The following HRCT1 variants were observed in gnomAD, a reference collection of about 807,000 sequenced individuals.
HRCT1 encodes the protein histidine rich carboxyl terminus 1.
For missense variants in HRCT1, 185 were observed against 161.3 expected, an observed-to-expected ratio of 1.15 and a Z score of -0.80; for synonymous variants, 76 against 69.0, an observed-to-expected ratio of 1.10 and a Z score of -0.50.
In HRCT1 at chr9:35,906,776, G is replaced by GT; in HGVS notation, c.*141_*142insT. ...GAACAATAGACTGGGGCTTGCTCCA[G>GT]CTGCATTTGCATGGCATGCCCCAGT... On this transcript the variant is annotated 3_prime_UTR_variant, in exon 1 of 1. Transcript: ENST00000354323. The GT allele has an allele frequency of 8.3e-7, 1 of 1,206,460 alleles. No homozygotes were observed. Among genetic ancestry groups the GT allele is most frequent in the Non-Finnish European group, 1.2e-6 (1 of 868,894 alleles). The allele number at this position is 1,206,460 out of a possible 1,614,324, so 74.7% of individuals were successfully genotyped here. A position where few individuals can be genotyped will look rare whatever the true frequency, so the allele number is the denominator to read the frequency against.
chr9:35,906,610 G>GCCACCA lies in HRCT1; in HGVS notation c.324_329dup (p.His109_His110dup). On this transcript the variant is annotated inframe_insertion, in exon 1 of 1. Transcript: ENST00000354323. The stretch of plus-strand genomic sequence containing the variant: ...CTCCACCACCACCACCACCCCCACC[G>GCCACCA]CCACCATCCCCGCCACGCTCGCTGA... 1 of 611,856 alleles carries GCCACCA rather than the reference G, an allele frequency of 1.6e-6. No homozygotes were observed. Among genetic ancestry groups the GCCACCA allele is most frequent in the South Asian group, 1.9e-5 (1 of 54,022 alleles). The allele number at this position is 611,856 out of a possible 1,614,324, so 37.9% of individuals were successfully genotyped here. A position where few individuals can be genotyped will look rare whatever the true frequency, so the allele number is the denominator to read the frequency against.
In HRCT1 at chr9:35,906,592, A is replaced by ACCACCACCCCCACCACCACCC; in HGVS notation, c.313_314insCCCACCACCACCCCCACCACC (p.His104_His105insProHisHisHisProHisHis). 7.8e-7 allele frequency: 1 copy of ACCACCACCCCCACCACCACCC among 1,278,044 alleles called. No homozygotes were observed. The highest frequency in any genetic ancestry group is 1.0e-6 in the Non-Finnish European group (1 of 973,284). 79.2% of individuals were successfully genotyped at this position (1,278,044 alleles called of 1,614,324 possible). A position where few individuals can be genotyped will look rare whatever the true frequency, so the allele number is the denominator to read the frequency against. ...CGCCACACCCCTCACCACCTCCACC[A>ACCACCACCCCCACCACCACCC]CCACCACCACCCCCACCGCCACCAT... is the stretch of plus-strand genomic sequence containing the variant. On this transcript the variant is annotated inframe_insertion, in exon 1 of 1. Transcript: ENST00000354323.
the HRCT1 span, chr9:35,906,604 C>CACCGCCA: frequency 8.7e-7 from 1 of 1,154,920 alleles, no homozygotes; most frequent in South Asian, 1.4e-5. Flanking sequence ...CACCACCACC[C>CACCGCCA]CCACCGCCAC....
In HRCT1 at chr9:35,906,598, A is replaced by ACCACCCCCGCCACCACCC. The variant is rs1833101571; in HGVS notation, c.319_320insGCCACCACCCCCACCCCC (p.Pro106_His107insArgHisHisProHisPro). ...ACCCCTCACCACCTCCACCACCACCACCACCCCCACCGCCACCATCCCCGC... is the reference window on the plus strand; with the variant it reads ...ACCCCTCACCACCTCCACCACCACCACCACCCCCGCCACCACCCCCACCCCCACCGCCACCATCCCCGC... On this transcript the variant is annotated inframe_insertion, in exon 1 of 1. Transcript: ENST00000354323. The ACCACCCCCGCCACCACCC allele has an allele frequency of 8.4e-7, 1 of 1,185,786 alleles. No homozygotes were observed. Among genetic ancestry groups the ACCACCCCCGCCACCACCC allele is most frequent in the Admixed American group, 2.7e-5 (1 of 37,714 alleles). 73.5% of individuals were successfully genotyped at this position (1,185,786 alleles called of 1,614,324 possible).
At position 35,906,959 on chromosome 9, in the gene HRCT1, G is replaced by A; in HGVS notation, c.*324G>A. 1 of 425,958 alleles carries A rather than the reference G, an allele frequency of 2.3e-6. No individual in the cohort carries two copies. Among genetic ancestry groups the A allele is most frequent in the Non-Finnish European group, 4.5e-6 (1 of 224,430 alleles). 26.4% of individuals were successfully genotyped at this position (425,958 alleles called of 1,614,324 possible). A position where few individuals can be genotyped will look rare whatever the true frequency, so the allele number is the denominator to read the frequency against. On this transcript the variant is annotated 3_prime_UTR_variant, in exon 1 of 1. Transcript: ENST00000354323. The stretch of plus-strand genomic sequence containing the variant: ...TGACAAGCGTGTCTTGGCAGAGCCA[G>A]CACACAAGTGGATGTGAAGTGCCCG...
chr9:35,906,595 A>ACCACCACCACCCCCACCACCCCCC lies in HRCT1; in HGVS notation c.316_317insACCCCCACCACCCCCCCCACCACC (p.His105_Pro106insHisProHisHisProProHisHis), dbSNP rs748727626. 8.4e-7 allele frequency: 1 copy of ACCACCACCACCCCCACCACCCCCC among 1,197,548 alleles called. No homozygotes were observed. Among genetic ancestry groups the ACCACCACCACCCCCACCACCCCCC allele is most frequent in the African/African-American group, 2.4e-5 (1 of 42,060 alleles). The allele number at this position is 1,197,548 out of a possible 1,614,324, so 74.2% of individuals were successfully genotyped here. A position where few individuals can be genotyped will look rare whatever the true frequency, so the allele number is the denominator to read the frequency against. ...CACACCCCTCACCACCTCCACCACC[A>ACCACCACCACCCCCACCACCCCCC]CCACCACCCCCACCGCCACCATCCC... is the stretch of plus-strand genomic sequence containing the variant. On this transcript the variant is annotated inframe_insertion, in exon 1 of 1. Coordinates refer to ENST00000354323, the MANE Select transcript of HRCT1 (RefSeq NM_001039792.2).
At position 35,906,783 on chromosome 9, in the gene HRCT1, T is replaced by TGCAAA; in HGVS notation, c.*148_*149insGCAAA. The TGCAAA allele has an allele frequency of 9.2e-7, 1 of 1,089,142 alleles. No individual in the cohort carries two copies. Among genetic ancestry groups the TGCAAA allele is most frequent in the Non-Finnish European group, 1.3e-6 (1 of 763,426 alleles). The allele number at this position is 1,089,142 out of a possible 1,614,324, so 67.5% of individuals were successfully genotyped here. A position where few individuals can be genotyped will look rare whatever the true frequency, so the allele number is the denominator to read the frequency against. Reference sequence around the variant, plus strand: ...AGACTGGGGCTTGCTCCAGCTGCATTTGCATGGCATGCCCCAGTGTACTAT... The same window carrying TGCAAA: ...AGACTGGGGCTTGCTCCAGCTGCATTGCAAATGCATGGCATGCCCCAGTGTACTAT... On this transcript the variant is annotated 3_prime_UTR_variant, in exon 1 of 1. Transcript: ENST00000354323.
chr9:35,906,586 T>TCCACCACCACCTCCACCACCTCCA lies in HRCT1; in HGVS notation c.310_311insTCCACCACCTCCACCACCACCACC (p.His103_His104insLeuHisHisLeuHisHisHisHis), dbSNP rs1554690885. On this transcript the variant is annotated inframe_insertion, in exon 1 of 1. Coordinates refer to ENST00000354323, the MANE Select transcript of HRCT1 (RefSeq NM_001039792.2). ...CACCCCCGCCACACCCCTCACCACC[T>TCCACCACCACCTCCACCACCTCCA]CCACCACCACCACCACCCCCACCGC... 6 of 1,189,890 alleles carry TCCACCACCACCTCCACCACCTCCA rather than the reference T, an allele frequency of 5.0e-6. No homozygotes were observed. Among genetic ancestry groups the TCCACCACCACCTCCACCACCTCCA allele is most frequent in the Non-Finnish European group, 6.8e-6 (6 of 887,776 alleles). The allele number at this position is 1,189,890 out of a possible 1,614,324, so 73.7% of individuals were successfully genotyped here.
Position 35,906,601 on chromosome 9 carries a change from A to ACCCCCACCGCCACCCTCCCCACCG in HRCT1, c.328_329insCTCCCCACCGCCCCCACCGCCACC (p.His109_His110insProProHisArgProHisArgHis), listed in dbSNP as rs1833102720. 9.3e-7 allele frequency: 1 copy of ACCCCCACCGCCACCCTCCCCACCG among 1,074,414 alleles called. No homozygotes were observed. Among genetic ancestry groups the ACCCCCACCGCCACCCTCCCCACCG allele is most frequent in the African/African-American group, 2.9e-5 (1 of 34,604 alleles). The allele number at this position is 1,074,414 out of a possible 1,614,324, so 66.6% of individuals were successfully genotyped here. ...CCTCACCACCTCCACCACCACCACCACCCCCACCGCCACCATCCCCGCCAC... is the reference window on the plus strand; with the variant it reads ...CCTCACCACCTCCACCACCACCACCACCCCCACCGCCACCCTCCCCACCGCCCCCACCGCCACCATCCCCGCCAC... On this transcript the variant is annotated inframe_insertion, in exon 1 of 1. Coordinates refer to ENST00000354323, the MANE Select transcript of HRCT1 (RefSeq NM_001039792.2).
rs948594881 is a variant in HRCT1, at chr9:35,906,427, C to T, written c.140C>T (p.Ala47Val). 2 of 1,613,064 alleles carry T rather than the reference C, an allele frequency of 1.2e-6. No individual in the cohort carries two copies. Among genetic ancestry groups the T allele is most frequent in the African/African-American group, 1.3e-5 (1 of 75,030 alleles). Residue 47 changes from alanine (A) to valine (V), a missense_variant, in exon 1 of 1, where the codon GCT becomes GTT. By Grantham distance (64) the Ala-to-Val change is moderately conservative. Coordinates refer to ENST00000354323, the MANE Select transcript of HRCT1 (RefSeq NM_001039792.2). ...QDCDVERNRT[A>V]AGGNRVRRAQ... ...TGTGACGTGGAGAGGAACCGTACAGCTGCAGGGGGAAACCGAGTCCGCCGG... is the reference window on the plus strand; with the variant it reads ...TGTGACGTGGAGAGGAACCGTACAGTTGCAGGGGGAAACCGAGTCCGCCGG...
At position 35,906,267 on chromosome 9, in the gene HRCT1, G is replaced by C. The variant is rs1304942094; in HGVS notation, c.-21G>C. On this transcript the variant is annotated 5_prime_UTR_variant, in exon 1 of 1. Coordinates refer to ENST00000354323, the MANE Select transcript of HRCT1 (RefSeq NM_001039792.2). ...AAGGAGTGAGGAGCTGCTGGGCAGA[G>C]AGGGACTGTCCGGCTCCCAGATGCT... 1 of 1,581,250 alleles carries C rather than the reference G, an allele frequency of 6.3e-7. No homozygotes were observed. The highest frequency in any genetic ancestry group is 8.6e-7 in the Non-Finnish European group (1 of 1,162,214).
rs575470525 is a variant in HRCT1 at position 35,907,085 on chromosome 9, G to A, written c.*450G>A. ...GGTTTGGAGAAGGCAGTGTGAGGCT[G>A]CACAGTCAATTCATCGGTGCCTTAG... is the stretch of plus-strand genomic sequence containing the variant. On this transcript the variant is annotated 3_prime_UTR_variant, in exon 1 of 1. Transcript: ENST00000354323. 38 of 206,582 alleles carry A rather than the reference G, an allele frequency of 1.8e-4. No individual in the cohort carries two copies. The highest frequency in any genetic ancestry group is 3.9e-4 in the Non-Finnish European group (36 of 93,130). The allele number at this position is 206,582 out of a possible 1,614,324, so 12.8% of individuals were successfully genotyped here.
chr9:35,906,375 A>G lies in HRCT1; in HGVS notation c.88A>G (p.Thr30Ala), dbSNP rs200269279. 348 of 1,612,010 alleles carry G rather than the reference A, an allele frequency of 2.2e-4. 1 individual carries two copies. Among genetic ancestry groups the G allele is most frequent in the Non-Finnish European group, 2.8e-4 (330 of 1,179,820 alleles). The stretch of plus-strand genomic sequence containing the variant: ...CCTGCTGCTGCTGCTGCTGCTGGCC[A>G]CCTGCCTTTTCCACGGACGGCAGGA... ...AVLLLLLLLA[T>A]CLFHGRQDCD... The change falls in exon 1 of 1, where the codon ACC (threonine) becomes GCC (alanine). Residue 30 changes from threonine to alanine, a missense_variant. Transcript: ENST00000354323.
In HRCT1 at chr9:35,906,578, T is replaced by TCAC. The variant is rs1554690872; in HGVS notation, c.296_298dup (p.His99dup). 1.3e-4 allele frequency: 171 copies of TCAC among 1,277,890 alleles called. 1 individual carries two copies. The highest frequency in any genetic ancestry group is 2.6e-4 in the African/African-American group (9 of 34,968). The allele number at this position is 1,277,890 out of a possible 1,614,324, so 79.2% of individuals were successfully genotyped here. A position where few individuals can be genotyped will look rare whatever the true frequency, so the allele number is the denominator to read the frequency against. ...ACCACCACCACCCCCGCCACACCCC[T>TCAC]CACCACCTCCACCACCACCACCACC... On this transcript the variant is annotated inframe_insertion, in exon 1 of 1. Transcript: ENST00000354323.
chr9:35,906,604 C>CCCGCCACACCCCTCACCACCTCCACCA lies in HRCT1; in HGVS notation c.319_320insGCCACACCCCTCACCACCTCCACCACC (p.Pro106_His107insArgHisThrProHisHisLeuHisHis). The CCCGCCACACCCCTCACCACCTCCACCA allele has an allele frequency of 4.3e-6, 5 of 1,154,912 alleles. No individual in the cohort carries two copies. Among genetic ancestry groups the CCCGCCACACCCCTCACCACCTCCACCA allele is most frequent in the African/African-American group, 5.9e-5 (2 of 33,934 alleles). The allele number at this position is 1,154,912 out of a possible 1,614,324, so 71.5% of individuals were successfully genotyped here. On this transcript the variant is annotated inframe_insertion, in exon 1 of 1. Coordinates refer to ENST00000354323, the MANE Select transcript of HRCT1 (RefSeq NM_001039792.2). ...CACCACCTCCACCACCACCACCACC[C>CCCGCCACACCCCTCACCACCTCCACCA]CCACCGCCACCATCCCCGCCACGCT...
At chr9:35,906,316 TC>T in the HRCT1 span, 1 of 1,610,222 alleles carries the variant, frequency 6.2e-7, no homozygotes, top group Non-Finnish European at 8.5e-7. Context: ...AGCACAGCCC[TC>T]GTGGGATGGA....
In HRCT1 at chr9:35,906,553, A is replaced by ACCACCACCC; in HGVS notation, c.274_275insCCCACCACC (p.His91_His92insProHisHis). On this transcript the variant is annotated inframe_insertion, in exon 1 of 1. Transcript: ENST00000354323. ...CATGTGCCGAATGTGGGCCTCCACCACCACCACCACCCCCGCCACACCCCT... is the reference window on the plus strand; with the variant it reads ...CATGTGCCGAATGTGGGCCTCCACCACCACCACCCCCACCACCACCCCCGCCACACCCCT... 6.7e-7 allele frequency: 1 copy of ACCACCACCC among 1,491,828 alleles called. No individual in the cohort carries two copies. The allele number at this position is 1,491,828 out of a possible 1,614,324, so 92.4% of individuals were successfully genotyped here. A position where few individuals can be genotyped will look rare whatever the true frequency, so the allele number is the denominator to read the frequency against.
chr9:35,906,605 CCA>C, the HRCT1 span: 2 of 1,523,310 alleles, frequency 1.3e-6, no homozygotes, highest in Non-Finnish European at 1.8e-6. Context: ...ACCACCACCC[CCA>C]CCGCCACCAT....
rs2132460410 is a variant in HRCT1, at chr9:35,906,559, A to ACCC, written c.274_275insCCC (p.His91_His92insPro). ...CCGAATGTGGGCCTCCACCACCACC[A>ACCC]CCACCCCCGCCACACCCCTCACCAC... On this transcript the variant is annotated inframe_insertion, in exon 1 of 1. Coordinates refer to ENST00000354323, the MANE Select transcript of HRCT1 (RefSeq NM_001039792.2). 6.7e-7 allele frequency: 1 copy of ACCC among 1,499,364 alleles called. No individual in the cohort carries two copies. The highest frequency in any genetic ancestry group is 1.2e-5 in the South Asian group (1 of 85,416). The allele number at this position is 1,499,364 out of a possible 1,614,324, so 92.9% of individuals were successfully genotyped here.
Sources: gnomAD v4.1 joint callset for allele counts on GRCh38, gnomAD v4.1.1 for gene constraint, MANE v1.5 for transcripts, NCBI Gene and HGNC (gene_info 2026-07-23, HGNC 2026-07-21) for gene names.